Variants in MPPED1 observed in about 807,000 individuals in gnomAD.
MPPED1 encodes the protein metallophosphoesterase domain-containing protein 1.
MPPED1 carries 16 observed loss-of-function variants against 36.2 expected under a neutral mutation model. The observed-to-expected ratio is 0.44, with a 90% CI of 0.30 to 0.67. The LOEUF is 0.67. MPPED1 is among the 30% of genes least tolerant of loss of function. The pLI is 0.10. For missense variants in MPPED1, 307 were observed against 453.4 expected (o/e 0.68, Z 2.93); for synonymous variants, 199 against 191.3 (o/e 1.04, Z -0.33).
intron 2 of MPPED1, among the ~76,000 whole-genome samples, chr22:43,425,644 C>T (rs1454700428): frequency 1.3e-5 from 2 of 152,246 alleles, no homozygotes; most frequent in East Asian, 3.9e-4. Flanking sequence ...CCTCATTGTA[C>T]ACATGGGGAG....
intron 3 of MPPED1, among the ~76,000 whole-genome samples, chr22:43,445,880 A>ATTTTTTTTTTTT (rs78165973): frequency 1.6e-5 from 2 of 125,840 alleles, no homozygotes; most frequent in African/African-American, 7.3e-5. Flanking sequence ...TGGTGTTTAC[A>ATTTTTTTTTTTT]TTTTCTTTTT....
At chr22:43,429,672 C>G (rs971517596) in intron 2 of MPPED1, among the ~76,000 whole-genome samples, 1 of 152,248 alleles carries the variant, frequency 6.6e-6, no homozygotes, top group Non-Finnish European at 1.5e-5. Context: ...CCAAGCATCT[C>G]TCCCCTCCAC....
chr22:43,420,648 C>T (rs200542385), intron 1 of MPPED1, among the ~76,000 whole-genome samples: 3 of 152,114 alleles, frequency 2.0e-5, no homozygotes, highest in South Asian at 4.2e-4. Flanking sequence ...GTGATCCTCC[C>T]GCCTCGGCGT....
intron 1 of MPPED1, among the ~76,000 whole-genome samples, chr22:43,412,668 C>CCCAGCCATCCATCCAT (rs1555896851): frequency 1.3e-5 from 2 of 149,160 alleles, no homozygotes; most frequent in South Asian, 4.3e-4. Flanking sequence ...ATCCCTCCCT[C>CCCAGCCATCCATCCAT]CCATCCATCC....
chr22:43,453,622 T>C (rs1169465746), intron 3 of MPPED1, among the ~76,000 whole-genome samples: 1 of 152,176 alleles, frequency 6.6e-6, no homozygotes, highest in Admixed American at 6.6e-5. Context: ...ACTTCTACAG[T>C]TCTAGAATTG....
chr22:43,434,950 T>G, intron 2 of MPPED1, 84 bp from the exon 3 acceptor site: 1 of 1,405,432 alleles, frequency 7.1e-7, no homozygotes, highest in Non-Finnish European at 9.9e-7. Flanking sequence ...GGCTGTGAGC[T>G]GTGGTGGATG....
At chr22:43,426,592 G>A (rs74992599) in intron 2 of MPPED1, among the ~76,000 whole-genome samples, 2,952 of 152,300 alleles carry the variant, frequency 0.019, 95 homozygotes, top group African/African-American at 0.064. Flanking sequence ...ACGGGGTTTC[G>A]AAACCCTGGC....
At chr22:43,463,778 T>C (rs1375031056) in intron 3 of MPPED1, among the ~76,000 whole-genome samples, 2 of 151,698 alleles carry the variant, frequency 1.3e-5, no homozygotes, top group Non-Finnish European at 2.9e-5. Context: ...CTGACTCTTT[T>C]TTCACTGTGG....
At chr22:43,484,984 G>T (rs1166065729) in intron 4 of MPPED1, among the ~76,000 whole-genome samples, 1 of 152,106 alleles carries the variant, frequency 6.6e-6, no homozygotes, top group Admixed American at 6.5e-5. Flanking sequence ...TCAGTCTCTG[G>T]TAGCTTGCTG....
intron 6 of MPPED1, among the ~76,000 whole-genome samples, chr22:43,503,729 G>A (rs1000164956): frequency 2.0e-5 from 3 of 152,116 alleles, no homozygotes; most frequent in African/African-American, 2.4e-5. Context: ...GGCAGCTCAC[G>A]TGCTGTGGGA....
chr22:43,454,647 C>A (rs532788409), intron 3 of MPPED1, among the ~76,000 whole-genome samples: 12 of 152,180 alleles, frequency 7.9e-5, no homozygotes, highest in Middle Eastern at 3.4e-3. Context: ...ACTTTCCAGG[C>A]TCAGGTGATC....
At chr22:43,471,217 A>G (rs931439406) in intron 3 of MPPED1, among the ~76,000 whole-genome samples, 5 of 152,262 alleles carry the variant, frequency 3.3e-5, no homozygotes, top group African/African-American at 1.2e-4. Context: ...ACATAAATAC[A>G]TGAGCACTGG....
chr22:43,463,806 C>CCTTTCTTTCTTTCTTT (rs1931042473), intron 3 of MPPED1, among the ~76,000 whole-genome samples: 1 of 121,584 alleles, frequency 8.2e-6, no homozygotes, highest in Non-Finnish European at 1.8e-5. Flanking sequence ...TTCATTTTTT[C>CCTTTCTTTCTTTCTTT]TTTTCTTTCT....
At chr22:43,483,873 G>A (rs997482154) in intron 4 of MPPED1, among the ~76,000 whole-genome samples, 34 of 152,212 alleles carry the variant, frequency 2.2e-4, no homozygotes, top group African/African-American at 7.7e-4. Flanking sequence ...GACCACACAG[G>A]TCTGCTGGCC....
chr22:43,500,323 T>C lies in MPPED1; in HGVS notation c.748+1973T>C, dbSNP rs1602027342. Among the ~76,000 whole-genome samples the C allele has an allele frequency of 4.0e-5, 5 of 125,388 alleles. No homozygotes were observed. The East Asian group carries it at 7.4e-4, about 18-fold the overall frequency. The allele number at this position is 125,388 out of a possible 152,430, so 82.3% of individuals were successfully genotyped here. A position where few individuals can be genotyped will look rare whatever the true frequency, so the allele number is the denominator to read the frequency against. On this transcript the variant is annotated intron_variant, in intron 5 of 6. Transcript: ENST00000443721. ...GTGGTGATGGTGATGGAGGTGGTGA[T>C]GGTGGTGGTGGAGGTGGTGGTGGTG...
chr22:43,505,046 G>T (rs1381657554), intron 6 of MPPED1, among the ~76,000 whole-genome samples: 1 of 151,780 alleles, frequency 6.6e-6, no homozygotes, highest in Non-Finnish European at 1.5e-5. Context: ...AAGGGTGTTG[G>T]TGATGATGTT....
At chr22:43,433,912 G>A (rs1929858404) in intron 2 of MPPED1, among the ~76,000 whole-genome samples, 1 of 152,220 alleles carries the variant, frequency 6.6e-6, no homozygotes, top group Non-Finnish European at 1.5e-5. Flanking sequence ...ATGTCATTGC[G>A]TTGTTTTTAA....
chr22:43,500,080 T>C lies in MPPED1; in HGVS notation c.748+1730T>C, dbSNP rs868215203. Among the ~76,000 whole-genome samples the C allele has an allele frequency of 2.6e-3, 211 of 80,452 alleles. 8 individuals carry two copies. Among genetic ancestry groups the C allele is most frequent in the African/African-American group, 3.4e-3 (50 of 14,638 alleles). 52.8% of individuals were successfully genotyped at this position (80,452 alleles called of 152,430 possible). ...GTGGTGGTGATGGTGATGGAGGTGG[T>C]GGTGATGGCGATGGAGGTGGTAGTG... On this transcript the variant is annotated intron_variant, in intron 5 of 6. Coordinates refer to ENST00000443721, the MANE Select transcript of MPPED1 (RefSeq NM_001044370.2).
Position 43,505,819 on chromosome 22 carries a change from G to A in MPPED1, c.*203G>A. On this transcript the variant is annotated 3_prime_UTR_variant, in exon 7 of 7. Coordinates refer to ENST00000443721, the MANE Select transcript of MPPED1 (RefSeq NM_001044370.2). ...TGCGCATCCCCATCAGGGGTTCTGT[G>A]CTCATTTACTTTTTCTGCGTGTACA... 1.8e-6 allele frequency: 1 copy of A among 554,626 alleles called. No homozygotes were observed. Among genetic ancestry groups the A allele is most frequent in the Non-Finnish European group, 3.2e-6 (1 of 310,836 alleles). The allele number at this position is 554,626 out of a possible 1,614,324, so 34.4% of individuals were successfully genotyped here.
Sources: gnomAD v4.1 joint callset for allele counts (sites outside exome capture counted in the v4.1 genomes callset) on GRCh38, gnomAD v4.1.1 for gene constraint, MANE v1.5 for transcripts, NCBI Gene and HGNC (gene_info 2026-07-23, HGNC 2026-07-21) for gene names.